MID1: variants seen among roughly 807,000 people sequenced by gnomAD.
The protein encoded by MID1 is E3 ubiquitin-protein ligase Midline-1.
Under a neutral mutation model 40.4 loss-of-function variants are expected in MID1, and 7 were observed. The observed-to-expected ratio is 0.17, with a 90% CI of 0.10 to 0.33. The LOEUF (loss-of-function observed/expected upper bound fraction) is 0.33, where lower values mean the gene tolerates loss of function less well. MID1 is among the 10% of genes least tolerant of loss of function. The probability of loss-of-function intolerance (pLI) is 1.00; values close to 1 mark genes in which losing one functional copy is unlikely to be tolerated. For missense variants in MID1, 367 were observed against 558.5 expected, an observed-to-expected ratio of 0.66 and a Z score of 3.46; for synonymous variants, 229 against 221.2, an observed-to-expected ratio of 1.04 and a Z score of -0.31.
chrX:10,476,929 A>G (rs759297746), intron 5 of MID1, among the ~76,000 whole-genome samples: 24 of 112,387 alleles, frequency 2.1e-4, no homozygotes, highest in Non-Finnish European at 4.1e-4. Context: ...CTTATGACCC[A>G]TGAACACAAA....
At chrX:10,753,029 T>C (rs1297655084) in intron 1 of MID1, among the ~76,000 whole-genome samples, 1 of 111,555 alleles carries the variant, frequency 9.0e-6, no homozygotes, top group African/African-American at 3.3e-5. Flanking sequence ...TTTGCTCAAA[T>C]GGCTTCTGCA....
intron 2 of MID1, among the ~76,000 whole-genome samples, chrX:10,549,279 T>C (rs1039598474): frequency 1.8e-5 from 2 of 112,729 alleles, no homozygotes; most frequent in Admixed American, 9.3e-5. Context: ...TCTACAGAAG[T>C]TGGGTATGTT....
At chrX:10,644,961 G>C (rs1267383896) in intron 1 of MID1, among the ~76,000 whole-genome samples, 1 of 112,153 alleles carries the variant, frequency 8.9e-6, no homozygotes, top group Non-Finnish European at 1.9e-5. Context: ...CGTGATTGAA[G>C]TCAGACATCT....
At chrX:10,740,243 G>T in intron 1 of MID1, among the ~76,000 whole-genome samples, 1 of 112,865 alleles carries the variant, frequency 8.9e-6, no homozygotes, top group Non-Finnish European at 1.9e-5. Flanking sequence ...TGGTATTTCA[G>T]ACTCTACATA....
At chrX:10,519,587 A>T (rs768983410) in intron 3 of MID1, among the ~76,000 whole-genome samples, 1 of 111,914 alleles carries the variant, frequency 8.9e-6, no homozygotes, top group South Asian at 3.8e-4. Flanking sequence ...AAGAGGGTCT[A>T]CTAAGTGAAC....
chrX:10,528,156 C>T (rs756763035), intron 2 of MID1, among the ~76,000 whole-genome samples: 1 of 110,851 alleles, frequency 9.0e-6, no homozygotes, highest in East Asian at 2.8e-4. Context: ...TCAGCAGTAT[C>T]AATAGAAACC....
At chrX:10,658,428 TAAAAAAAAA>T (rs35116185) in intron 1 of MID1, among the ~76,000 whole-genome samples, 1 of 5,570 alleles carries the variant, frequency 1.8e-4, no homozygotes, top group Non-Finnish European at 5.3e-4. Context: ...CCTTCAACTG[TAAAAAAAAA>T]AAAAAAAAAA....
At chrX:10,622,370 T>G, upstream of MID1, among the ~76,000 whole-genome samples, 1 of 111,208 alleles carries the variant, frequency 9.0e-6, no homozygotes, top group Non-Finnish European at 1.9e-5. Context: ...CAAAGGTAAA[T>G]ATGAGCTGGG....
At chrX:10,568,398 T>C (rs1323857114) in intron 1 of MID1, among the ~76,000 whole-genome samples, 1 of 112,089 alleles carries the variant, frequency 8.9e-6, no homozygotes, top group African/African-American at 3.2e-5. Context: ...CAATGACTAA[T>C]ATTTAGAGCA....
At chrX:10,620,837 G>A (rs1385553029), upstream of MID1, among the ~76,000 whole-genome samples, 1 of 112,240 alleles carries the variant, frequency 8.9e-6, no homozygotes, top group Non-Finnish European at 1.9e-5. Context: ...CATTTTAAGA[G>A]CTCCCTAACA....
At chrX:10,705,509 C>T (rs1450696023) in intron 1 of MID1, among the ~76,000 whole-genome samples, 1 of 111,997 alleles carries the variant, frequency 8.9e-6, no homozygotes, top group Admixed American at 9.5e-5. Context: ...TAAATGAGAC[C>T]ATGCGCATCT....
intron 9 of MID1, among the ~76,000 whole-genome samples, chrX:10,450,184 T>G: frequency 8.9e-6 from 1 of 112,419 alleles, no homozygotes; most frequent in Non-Finnish European, 1.9e-5. Flanking sequence ...TTAAATTTAT[T>G]TAATTTTCAT....
At chrX:10,455,221 T>C in intron 8 of MID1, 144 bp from the exon 9 acceptor site, 1 of 501,583 alleles carries the variant, frequency 2.0e-6, no homozygotes, top group East Asian at 3.6e-5. Flanking sequence ...CACAAAGTGG[T>C]ATCTTATATT....
At chrX:10,727,167 T>G (rs1020703578) in intron 1 of MID1, among the ~76,000 whole-genome samples, 4 of 112,328 alleles carry the variant, frequency 3.6e-5, no homozygotes, top group African/African-American at 1.3e-4. Flanking sequence ...CAGGCTGGAG[T>G]GCAATGGCAC....
At chrX:10,585,458 C>G (rs934484324) in intron 1 of MID1, among the ~76,000 whole-genome samples, 3 of 112,124 alleles carry the variant, frequency 2.7e-5, no homozygotes, top group Admixed American at 9.4e-5. Context: ...ATTGCAAAAA[C>G]AAATTTCCTG....
At chrX:10,477,005 A>G (rs147491420) in intron 5 of MID1, among the ~76,000 whole-genome samples, 90 of 112,733 alleles carry the variant, frequency 8.0e-4, no homozygotes, top group African/African-American at 2.7e-3. Context: ...CCCTTAAACT[A>G]TGCTACACAC....
At chrX:10,787,007 A>C (rs1246103190) in intron 1 of MID1, among the ~76,000 whole-genome samples, 3 of 111,513 alleles carry the variant, frequency 2.7e-5, no homozygotes, top group African/African-American at 9.8e-5. Flanking sequence ...AGTGTAATTC[A>C]ACAAGCTCCC....
intron 1 of MID1, among the ~76,000 whole-genome samples, chrX:10,614,299 G>A (rs1215274152): frequency 8.9e-6 from 1 of 111,781 alleles, no homozygotes; most frequent in Admixed American, 9.5e-5. Flanking sequence ...GGGGCCTGTG[G>A]CTCCCTGGCT....
Position 10,706,537 on chromosome X carries a change from T to C in MID1, c.-186-86118A>G, listed in dbSNP as rs755037905. On this transcript the variant is annotated intron_variant, in intron 1 of 10. Coordinates refer to the MID1 transcript ENST00000380785. Reference sequence around the variant, plus strand: ...TGGTTTTATAAAGCGTTTTTCCCCCTTTTGCTTGGCACTTCTCATTGCTGC... The same window carrying C: ...TGGTTTTATAAAGCGTTTTTCCCCCCTTTGCTTGGCACTTCTCATTGCTGC... Among the ~76,000 whole-genome samples, 5 of 110,693 alleles carry C rather than the reference T, an allele frequency of 4.5e-5. No individual in the cohort carries two copies. In the East Asian group the frequency reaches 1.4e-3, roughly 32 times the overall value.
Sources: gnomAD v4.1 joint callset for allele counts (sites outside exome capture counted in the v4.1 genomes callset) on GRCh38, gnomAD v4.1.1 for gene constraint, MANE v1.5 for transcripts, NCBI Gene and HGNC (gene_info 2026-07-23, HGNC 2026-07-21) for gene names.